GABRB1: variants seen among roughly 807,000 people sequenced by gnomAD.
GABRB1 encodes the protein gamma-aminobutyric acid type A receptor subunit beta1.
GABRB1 carries 17 observed loss-of-function variants against 51.6 expected under a neutral mutation model. That is an observed-to-expected ratio of 0.33 (90% CI 0.23 to 0.49). GABRB1 has a LOEUF of 0.49. GABRB1 is among the 20% of genes least tolerant of loss of function. The pLI is 0.99. For missense variants in GABRB1, 410 were observed against 600.6 expected (o/e 0.68, Z 3.32); for synonymous variants, 247 against 218.9 (o/e 1.13, Z -1.14).
At chr4:47,121,386 C>T (rs1471850296) in intron 3 of GABRB1, among the ~76,000 whole-genome samples, 1 of 152,192 alleles carries the variant, frequency 6.6e-6, no homozygotes, top group Non-Finnish European at 1.5e-5. Context: ...TTACTACTCT[C>T]TTCAGTGTCT....
intron 3 of GABRB1, among the ~76,000 whole-genome samples, chr4:47,054,693 C>T (rs1366442020): frequency 6.6e-6 from 1 of 152,046 alleles, no homozygotes; most frequent in Non-Finnish European, 1.5e-5. Flanking sequence ...AGCAATTCTC[C>T]TGCCTCAGCC....
intron 5 of GABRB1, among the ~76,000 whole-genome samples, chr4:47,378,079 G>A (rs568570696): frequency 1.9e-4 from 29 of 152,350 alleles, no homozygotes; most frequent in Non-Finnish European, 3.2e-4. Flanking sequence ...GGGACTGGGC[G>A]CCGTAGAGCA....
intron 3 of GABRB1, among the ~76,000 whole-genome samples, chr4:47,084,799 C>T (rs1287477404): frequency 6.6e-6 from 1 of 152,138 alleles, no homozygotes; most frequent in Non-Finnish European, 1.5e-5. Flanking sequence ...AGGAACAGGA[C>T]CCTTAAAGAT....
At chr4:47,320,550 C>T (rs4472116) in intron 5 of GABRB1, among the ~76,000 whole-genome samples, 6,608 of 152,196 alleles carry the variant, frequency 0.043, 190 homozygotes, top group Middle Eastern at 0.085. Context: ...TGGGTTCTAT[C>T]ATCTGTTGAC....
chr4:47,289,958 T>C (rs1460363497), intron 4 of GABRB1, among the ~76,000 whole-genome samples: 1 of 152,184 alleles, frequency 6.6e-6, no homozygotes, highest in Admixed American at 6.5e-5. Flanking sequence ...GAAAAGCTAA[T>C]AAATGAGGTA....
chr4:47,184,921 G>A (rs1360944210), intron 4 of GABRB1, among the ~76,000 whole-genome samples: 1 of 151,750 alleles, frequency 6.6e-6, no homozygotes, highest in African/African-American at 2.4e-5. Context: ...TCAGGACTCA[G>A]GGGTCCCCTT....
intron 3 of GABRB1, among the ~76,000 whole-genome samples, chr4:47,039,929 A>G (rs1228888793): frequency 1.3e-5 from 2 of 152,200 alleles, no homozygotes; most frequent in East Asian, 1.9e-4. Flanking sequence ...TTCTATAAAC[A>G]TATATTTGTT....
At chr4:47,263,355 A>G (rs1722525532) in intron 4 of GABRB1, among the ~76,000 whole-genome samples, 1 of 152,118 alleles carries the variant, frequency 6.6e-6, no homozygotes, top group African/African-American at 2.4e-5. Flanking sequence ...TCGGATAGCC[A>G]CCTTTTCTGT....
chr4:47,152,672 C>T (rs1220642278), intron 3 of GABRB1, among the ~76,000 whole-genome samples: 2 of 151,936 alleles, frequency 1.3e-5, no homozygotes, highest in Non-Finnish European at 2.9e-5. Flanking sequence ...GCCACTGACA[C>T]CCACAACACA....
At chr4:47,276,099 C>A (rs560452520) in intron 4 of GABRB1, among the ~76,000 whole-genome samples, 1 of 152,076 alleles carries the variant, frequency 6.6e-6, no homozygotes, top group Admixed American at 6.6e-5. Context: ...TTTCAATACT[C>A]GTACAGAGAA....
At chr4:47,176,250 T>C (rs1362931718) in intron 4 of GABRB1, among the ~76,000 whole-genome samples, 1 of 152,052 alleles carries the variant, frequency 6.6e-6, no homozygotes, top group African/African-American at 2.4e-5. Flanking sequence ...GTAATGAAAA[T>C]TGCATTTCAT....
At chr4:47,176,942 G>A (rs1357767939) in intron 4 of GABRB1, among the ~76,000 whole-genome samples, 1 of 152,148 alleles carries the variant, frequency 6.6e-6, no homozygotes, top group South Asian at 2.1e-4. Context: ...GCAGTAACAA[G>A]TAACTTGCTT....
At chr4:47,344,481 A>T (rs1726016211) in intron 5 of GABRB1, among the ~76,000 whole-genome samples, 1 of 152,172 alleles carries the variant, frequency 6.6e-6, no homozygotes, top group Non-Finnish European at 1.5e-5. Flanking sequence ...TATTGTTTTT[A>T]GTTTGGAGGA....
intron 4 of GABRB1, among the ~76,000 whole-genome samples, chr4:47,265,089 T>C (rs1226403585): frequency 6.6e-6 from 1 of 152,168 alleles, no homozygotes; most frequent in African/African-American, 2.4e-5. Flanking sequence ...TCTGGCCTTT[T>C]AGTGTAACCA....
chr4:47,268,969 C>G (rs973820997), intron 4 of GABRB1, among the ~76,000 whole-genome samples: 3 of 152,032 alleles, frequency 2.0e-5, no homozygotes, highest in Non-Finnish European at 1.5e-5. Flanking sequence ...AAAACCCAAG[C>G]TGTTTTATTT....
At chr4:47,262,359 C>T (rs1314472032) in intron 4 of GABRB1, among the ~76,000 whole-genome samples, 3 of 152,044 alleles carry the variant, frequency 2.0e-5, no homozygotes, top group South Asian at 2.1e-4. Flanking sequence ...AAAAAACAAA[C>T]AACCCCATCA....
At chr4:47,101,596 G>C (rs1261126165) in intron 3 of GABRB1, among the ~76,000 whole-genome samples, 2 of 151,648 alleles carry the variant, frequency 1.3e-5, no homozygotes, top group Non-Finnish European at 2.9e-5. Flanking sequence ...AAAGAGAATG[G>C]AAGAAAAAAA....
intron 5 of GABRB1, among the ~76,000 whole-genome samples, chr4:47,323,758 C>T (rs906991949): frequency 3.9e-5 from 6 of 152,078 alleles, no homozygotes; most frequent in Non-Finnish European, 7.4e-5. Flanking sequence ...TGGTTGGGTC[C>T]TTTGAGACAA....
chr4:47,181,192 T>C (rs1243245160), intron 4 of GABRB1, among the ~76,000 whole-genome samples: 1 of 152,036 alleles, frequency 6.6e-6, no homozygotes, highest in Non-Finnish European at 1.5e-5. Flanking sequence ...AGTTCATTTA[T>C]GTTTCTTAAT....
Sources: gnomAD v4.1 joint callset for allele counts (sites outside exome capture counted in the v4.1 genomes callset) on GRCh38, gnomAD v4.1.1 for gene constraint, MANE v1.5 for transcripts, NCBI Gene and HGNC (gene_info 2026-07-23, HGNC 2026-07-21) for gene names.